COL1A2: variants seen among roughly 807,000 people sequenced by gnomAD.
COL1A2 encodes collagen type I alpha 2 chain.
A neutral mutation model predicts 174.3 loss-of-function variants in COL1A2; 49 were observed. That is an observed-to-expected ratio of 0.28 (90% CI 0.22 to 0.36). The LOEUF is 0.36. Ranked by LOEUF, COL1A2 falls within the 10% of genes least tolerant of loss-of-function variation. COL1A2 has a pLI of 1.00. For missense variants in COL1A2, 1,438 were observed against 1,822.7 expected, an observed-to-expected ratio of 0.79 and a Z score of 3.84; for synonymous variants, 655 against 606.6, an observed-to-expected ratio of 1.08 and a Z score of -1.17.
intron 49 of COL1A2, among the ~76,000 whole-genome samples, 160 bp from the exon 50 acceptor site, chr7:94,428,133 A>G (rs1792321655): frequency 6.6e-6 from 1 of 152,166 alleles, no homozygotes; most frequent in East Asian, 1.9e-4. Context: ...GGAGGGAAGG[A>G]ACTGTCTAAT....
chr7:94,417,632 A>C, intron 31 of COL1A2, 92 bp from the exon 32 acceptor site: 540 of 951,046 alleles, frequency 5.7e-4, no homozygotes, highest in Non-Finnish European at 8.1e-4. Flanking sequence ...AAGCCTGTCT[A>C]GCTAGCTGTT....
chr7:94,429,066 A>G (rs1792344153), intron 50 of COL1A2, 122 bp from the exon 51 acceptor site: 1 of 815,924 alleles, frequency 1.2e-6, no homozygotes, highest in Non-Finnish European at 1.9e-6. Context: ...CCCTTTTCCT[A>G]AGCTTGGATC....
At chr7:94,414,351 G>A in intron 29 of COL1A2, 76 bp downstream of exon 29, 2 of 1,259,186 alleles carry the variant, frequency 1.6e-6, no homozygotes, top group Non-Finnish European at 2.3e-6. Flanking sequence ...CCACTGCTAT[G>A]CAATTATAAT....
At chr7:94,425,061 A>C in intron 41 of COL1A2, 56 bp from the exon 42 acceptor site, 2 of 1,488,708 alleles carry the variant, frequency 1.3e-6, no homozygotes, top group Non-Finnish European at 1.9e-6. Context: ...TTGGAGGGGA[A>C]GGTTAGCATT....
At chr7:94,401,343 C>G (rs1436756474) in intron 5 of COL1A2, among the ~76,000 whole-genome samples, 1 of 152,076 alleles carries the variant, frequency 6.6e-6, no homozygotes, top group Non-Finnish European at 1.5e-5. Context: ...GGGAAGTTCT[C>G]CATTTCAAAG....
At chr7:94,413,296 TATAAAACA>T (rs570130782) in intron 26 of COL1A2, among the ~76,000 whole-genome samples, 160 bp downstream of exon 26, 413 of 152,296 alleles carry the variant, frequency 2.7e-3, no homozygotes, top group Non-Finnish European at 4.8e-3. Context: ...AAACCAAACT[TATAAAACA>T]GTGAGCAAAA....
chr7:94,418,643 C>T (rs1294960525), intron 33 of COL1A2, 91 bp downstream of exon 33: 2 of 965,970 alleles, frequency 2.1e-6, no homozygotes, highest in East Asian at 2.5e-5. Flanking sequence ...ACTACACACA[C>T]TTTATTTATC....
chr7:94,413,205 A>G lies in COL1A2; in HGVS notation c.1557+69A>G, dbSNP rs1791968277. The G allele has an allele frequency of 3.0e-6, 4 of 1,340,866 alleles. No individual in the cohort carries two copies. In the South Asian group the frequency reaches 4.7e-5, roughly 16 times the overall value. 83.1% of individuals were successfully genotyped at this position (1,340,866 alleles called of 1,614,324 possible). A position where few individuals can be genotyped will look rare whatever the true frequency, so the allele number is the denominator to read the frequency against. ...CTAAGAACCACACTTTTTTTTTTAC[A>G]CCATCTGATATCATTTTGTCACTTT... is the stretch of plus-strand genomic sequence containing the variant. On this transcript the variant is annotated intron_variant, in intron 26 of 51. Transcript: ENST00000297268.
At chr7:94,414,117 C>A in intron 28 of COL1A2, 105 bp from the exon 29 acceptor site, 2 of 1,335,724 alleles carry the variant, frequency 1.5e-6, no homozygotes, top group South Asian at 2.4e-5. Context: ...AACATACAAT[C>A]GTGCTCATGT....
chr7:94,408,875 T>C (rs749245220), intron 16 of COL1A2, 52 bp downstream of exon 16: 14 of 1,482,904 alleles, frequency 9.4e-6, no homozygotes, highest in African/African-American at 1.4e-5. Context: ...TTTACTGTGA[T>C]GTGAAAGATT....
Position 94,430,493 on chromosome 7 carries a change from TC to T in COL1A2, c.*101del. The T allele has an allele frequency of 8.1e-7, 1 of 1,232,050 alleles. No homozygotes were observed. 76.3% of individuals were successfully genotyped at this position (1,232,050 alleles called of 1,614,324 possible). A position where few individuals can be genotyped will look rare whatever the true frequency, so the allele number is the denominator to read the frequency against. On this transcript the variant is annotated 3_prime_UTR_variant, in exon 52 of 52. Coordinates refer to ENST00000297268, the MANE Select transcript of COL1A2 (RefSeq NM_000089.4). ...TAACTGAAAGCTGAATCCTTCCATT[TC>T]TTCTGCACATCTACTTGCTTAAATT...
In COL1A2 at chr7:94,425,681, C is replaced by A; in HGVS notation, c.2835+18C>A. 1.9e-6 allele frequency: 3 copies of A among 1,614,126 alleles called. No homozygotes were observed. The highest frequency in any genetic ancestry group is 2.5e-6 in the Non-Finnish European group (3 of 1,179,992). On this transcript the variant is annotated intron_variant, in intron 43 of 51. Coordinates refer to ENST00000297268, the MANE Select transcript of COL1A2 (RefSeq NM_000089.4). The stretch of plus-strand genomic sequence containing the variant: ...GACACAAGGTCAGTACACTTTTCAT[C>A]TTTCTCTAATTCAAAAGTGATTAAA...
intron 29 of COL1A2, 53 bp from the exon 30 acceptor site, chr7:94,415,173 T>C (rs982291244): frequency 4.8e-5 from 74 of 1,530,372 alleles, no homozygotes; most frequent in Non-Finnish European, 1.7e-5. Flanking sequence ...TAATCATAAG[T>C]GAATTTAGAG....
In COL1A2 at chr7:94,430,601, A is replaced by G. The variant is rs965077061; in HGVS notation, c.*208A>G. The stretch of plus-strand genomic sequence containing the variant: ...AACTCCTTCCCCCGCTCCCCCAAAA[A>G]TTTGAATTTTTTTTTCAACACTCTT... On this transcript the variant is annotated 3_prime_UTR_variant, in exon 52 of 52. Transcript: ENST00000297268. 1.7e-6 allele frequency: 1 copy of G among 587,026 alleles called. No homozygotes were observed. The highest frequency in any genetic ancestry group is 1.9e-5 in the African/African-American group (1 of 53,610). 36.4% of individuals were successfully genotyped at this position (587,026 alleles called of 1,614,324 possible).
chr7:94,430,784 C>G lies in COL1A2; in HGVS notation c.*391C>G. The G allele has an allele frequency of 4.1e-6, 1 of 244,200 alleles. No homozygotes were observed. The highest frequency in any genetic ancestry group is 5.2e-5 in the Admixed American group (1 of 19,190). 15.1% of individuals were successfully genotyped at this position (244,200 alleles called of 1,614,324 possible). A position where few individuals can be genotyped will look rare whatever the true frequency, so the allele number is the denominator to read the frequency against. On this transcript the variant is annotated 3_prime_UTR_variant, in exon 52 of 52. Transcript: ENST00000297268. ...CAAAGGTTTAAACTACCTCAAAACA[C>G]TTTCCCATGAGTGTGATCCACATTG...
rs964446416 is a variant in COL1A2, at chr7:94,404,722, T to C, written c.354T>C (p.Gly118=). ...CTCAAGGTTTCCAAGGACCTGCTGG[T>C]GAGCCTGGTGAACCTGGTCAAACTG... The part of the protein sequence containing the change: ...PGPQGFQGPA[G]EPGEPGQTGP... Residue 118 remains glycine, a synonymous_variant, in exon 8 of 52, where the codon GGT becomes GGC. Coordinates refer to ENST00000297268, the MANE Select transcript of COL1A2 (RefSeq NM_000089.4). The C allele has an allele frequency of 6.2e-7, 1 of 1,614,066 alleles. No homozygotes were observed. Among genetic ancestry groups the C allele is most frequent in the African/African-American group, 1.3e-5 (1 of 74,934 alleles).
intron 33 of COL1A2, 44 bp downstream of exon 33, chr7:94,418,596 T>G: frequency 2.6e-6 from 4 of 1,548,180 alleles, no homozygotes; most frequent in Non-Finnish European, 3.5e-6. Context: ...CTTGGATTTT[T>G]TTTTTATGTT....
chr7:94,423,311 C>T (rs990412365), intron 40 of COL1A2, 193 bp downstream of exon 40: 79 of 645,358 alleles, frequency 1.2e-4, no homozygotes, highest in African/African-American at 8.6e-4. Context: ...AGCACAAAAT[C>T]GGGAAGACAA....
intron 39 of COL1A2, chr7:94,422,722 A>G: frequency 1.9e-6 from 1 of 534,534 alleles, no homozygotes; most frequent in East Asian, 3.4e-5. Flanking sequence ...CCTCATAGAA[A>G]TTTGCCATAG....
Sources: gnomAD v4.1 joint callset for allele counts (sites outside exome capture counted in the v4.1 genomes callset) on GRCh38, gnomAD v4.1.1 for gene constraint, MANE v1.5 for transcripts, NCBI Gene and HGNC (gene_info 2026-07-23, HGNC 2026-07-21) for gene names.